FSTL5: variants seen among roughly 807,000 people sequenced by gnomAD.
FSTL5 encodes follistatin-related protein 5.
In FSTL5, 62 loss-of-function variants were observed where a neutral mutation model predicts 89.1. The ratio of observed to expected loss-of-function variants is 0.70; its 90% CI spans 0.57 to 0.86. FSTL5 has a LOEUF of 0.86. Among genes scored for constraint, FSTL5 ranks in the 40% least tolerant of loss-of-function variants. The pLI is 0.00. For missense variants in FSTL5, 1,057 were observed against 1,001.6 expected, an observed-to-expected ratio of 1.06 and a Z score of -0.75; for synonymous variants, 383 against 346.2, an observed-to-expected ratio of 1.11 and a Z score of -1.18.
At chr4:161,642,783 C>T (rs1171905763) in intron 7 of FSTL5, among the ~76,000 whole-genome samples, 1 of 133,040 alleles carries the variant, frequency 7.5e-6, no homozygotes, top group Non-Finnish European at 1.6e-5. Flanking sequence ...TGGTGGTTCC[C>T]AGGAGTGGAG....
At chr4:161,872,023 G>A (rs145623882) in intron 4 of FSTL5, among the ~76,000 whole-genome samples, 1,795 of 149,136 alleles carry the variant, frequency 0.012, 14 homozygotes, top group Non-Finnish European at 0.019. Context: ...ACAGGGTCTT[G>A]CTCTGTCACC....
chr4:162,104,131 G>T (rs1192950593), intron 2 of FSTL5, among the ~76,000 whole-genome samples: 6 of 152,214 alleles, frequency 3.9e-5, no homozygotes, highest in Admixed American at 3.9e-4. Flanking sequence ...TCCGGATCCA[G>T]CAAGGTATCT....
chr4:161,992,908 ATATATATATATATATATGTGTG>A (rs1486874189), intron 3 of FSTL5, among the ~76,000 whole-genome samples: 2,952 of 10,190 alleles, frequency 0.29, 253 homozygotes, highest in African/African-American at 0.38. Flanking sequence ...GTGTGTGTAT[ATATATATATATATATATGTGTG>A]TATATATATA....
chr4:161,948,779 T>C (rs983615856), intron 3 of FSTL5, among the ~76,000 whole-genome samples: 6 of 151,924 alleles, frequency 3.9e-5, no homozygotes, highest in Non-Finnish European at 7.4e-5. Flanking sequence ...TGAATTTGTA[T>C]TCATGTATAA....
At chr4:161,799,219 G>T (rs545425168) in intron 4 of FSTL5, among the ~76,000 whole-genome samples, 1 of 151,468 alleles carries the variant, frequency 6.6e-6, no homozygotes, top group Admixed American at 6.6e-5. Context: ...AAGAGCTTGC[G>T]GCAGTTTATA....
At chr4:161,952,792 A>G (rs2110957359) in intron 3 of FSTL5, among the ~76,000 whole-genome samples, 1 of 151,970 alleles carries the variant, frequency 6.6e-6, no homozygotes, top group East Asian at 1.9e-4. Context: ...AGGTAAGTGA[A>G]ATCTCACCAT....
At chr4:161,619,176 T>G (rs556951833) in intron 7 of FSTL5, among the ~76,000 whole-genome samples, 1 of 152,120 alleles carries the variant, frequency 6.6e-6, no homozygotes. Flanking sequence ...TTACACCTTA[T>G]ACAAAAATTA....
At chr4:161,647,798 G>A (rs989139889) in intron 7 of FSTL5, among the ~76,000 whole-genome samples, 2 of 152,074 alleles carry the variant, frequency 1.3e-5, no homozygotes, top group African/African-American at 2.4e-5. Flanking sequence ...GTGAGGACAG[G>A]CATTTTTGTT....
chr4:161,605,082 C>T (rs1734389309), intron 7 of FSTL5, among the ~76,000 whole-genome samples: 1 of 152,078 alleles, frequency 6.6e-6, no homozygotes, highest in Admixed American at 6.5e-5. Flanking sequence ...TTACTGCAGG[C>T]CACATGTTTT....
intron 15 of FSTL5, among the ~76,000 whole-genome samples, chr4:161,390,700 A>G (rs1052736747): frequency 1.3e-5 from 2 of 152,148 alleles, no homozygotes. Flanking sequence ...CATGGTCACC[A>G]CCAAGAGCAA....
intron 1 of FSTL5, among the ~76,000 whole-genome samples, chr4:162,133,576 A>T (rs13117227): frequency 0.14 from 21,224 of 152,112 alleles, 1,483 homozygotes; most frequent in Middle Eastern, 0.28. Context: ...AATACTGGTA[A>T]CATTCAGACA....
At chr4:162,159,116 GT>G (rs1425622420) in intron 1 of FSTL5, among the ~76,000 whole-genome samples, 2 of 151,984 alleles carry the variant, frequency 1.3e-5, no homozygotes, top group Admixed American at 1.3e-4. Context: ...TACTTTTAGG[GT>G]TTTGGAATTT....
At chr4:161,447,066 G>A (rs1732969352) in intron 15 of FSTL5, among the ~76,000 whole-genome samples, 1 of 152,014 alleles carries the variant, frequency 6.6e-6, no homozygotes, top group Admixed American at 6.6e-5. Flanking sequence ...TGAACACTTT[G>A]ATGAGTTAGC....
chr4:161,582,869 G>C lies in FSTL5; in HGVS notation c.1015+4586C>G, dbSNP rs747176408. On this transcript the variant is annotated intron_variant, in intron 8 of 15. Transcript: ENST00000306100. ...GGAGGATCAGTGGAAGTTATCACTGGTGCTTTCATTAAAACTTTTTTAAAA... is the reference window on the plus strand; with the variant it reads ...GGAGGATCAGTGGAAGTTATCACTGCTGCTTTCATTAAAACTTTTTTAAAA... Among the ~76,000 whole-genome samples the C allele has an allele frequency of 1.7e-3, 263 of 151,930 alleles. 6 individuals carry two copies. The highest frequency in any genetic ancestry group is 4.4e-4 in the Non-Finnish European group (30 of 67,982).
chr4:161,954,770 A>T (rs1400725120), intron 3 of FSTL5, among the ~76,000 whole-genome samples: 1 of 151,718 alleles, frequency 6.6e-6, no homozygotes, highest in African/African-American at 2.4e-5. Flanking sequence ...CACTAAACAC[A>T]GAACATTAAA....
intron 4 of FSTL5, among the ~76,000 whole-genome samples, chr4:161,906,380 C>T (rs1733528503): frequency 6.6e-6 from 1 of 152,090 alleles, no homozygotes; most frequent in South Asian, 2.1e-4. Flanking sequence ...TAGCTAGAGG[C>T]TCGCTAAAAT....
chr4:161,884,207 AC>A (rs1289326783), intron 4 of FSTL5, among the ~76,000 whole-genome samples: 1 of 151,720 alleles, frequency 6.6e-6, no homozygotes, highest in African/African-American at 2.4e-5. Context: ...GTACCACCAC[AC>A]CTGGCTAATT....
At chr4:161,864,036 A>T (rs1416765250) in intron 4 of FSTL5, among the ~76,000 whole-genome samples, 1 of 152,216 alleles carries the variant, frequency 6.6e-6, no homozygotes, top group East Asian at 1.9e-4. Context: ...CTCCAAGAGT[A>T]GTGTCAACTT....
At chr4:161,694,416 T>A (rs1738065031) in intron 6 of FSTL5, among the ~76,000 whole-genome samples, 1 of 152,134 alleles carries the variant, frequency 6.6e-6, no homozygotes, top group African/African-American at 2.4e-5. Context: ...AAATTTTTCT[T>A]TTCAGGCACT....
Sources: gnomAD v4.1 joint callset for allele counts (sites outside exome capture counted in the v4.1 genomes callset) on GRCh38, gnomAD v4.1.1 for gene constraint, MANE v1.5 for transcripts, NCBI Gene and HGNC (gene_info 2026-07-23, HGNC 2026-07-21) for gene names.